The following ARL2BP variants were observed in gnomAD, a reference collection of about 807,000 sequenced individuals.
The protein encoded by ARL2BP is ADP-ribosylation factor-like protein 2-binding protein.
In ARL2BP, 19 loss-of-function variants were observed where a neutral mutation model predicts 24.2. The ratio of observed to expected loss-of-function variants is 0.79; its 90% confidence interval spans 0.55 to 1.15. The LOEUF (loss-of-function observed/expected upper bound fraction) is 1.15. Among genes scored for constraint, ARL2BP ranks in the 50% most tolerant of loss-of-function variants. ARL2BP has a pLI of 0.00. For missense variants in ARL2BP, 160 were observed against 190.4 expected (o/e 0.84, Z 0.94); for synonymous variants, 56 against 70.5 (o/e 0.79, Z 1.03).
intron 1 of ARL2BP, 51 bp downstream of exon 1, chr16:57,245,456 G>C: frequency 1.9e-6 from 3 of 1,588,888 alleles, no homozygotes; most frequent in Non-Finnish European, 2.6e-6. Context: ...GGCAGCGGGC[G>C]TTCGCCCCGG....
At chr16:57,249,031 A>G (rs928562923) in intron 3 of ARL2BP, 1 of 153,252 alleles carries the variant, frequency 6.5e-6, no homozygotes, top group East Asian at 1.9e-4. Flanking sequence ...GATAATAAAT[A>G]AAAGACGTTT....
Position 57,252,170 on chromosome 16 carries a change from A to G in ARL2BP, c.395A>G (p.Lys132Arg). 1 of 1,613,850 alleles carries G rather than the reference A, an allele frequency of 6.2e-7. No individual in the cohort carries two copies. Among genetic ancestry groups the G allele is most frequent in the South Asian group, 1.1e-5 (1 of 91,040 alleles). Residue 132 changes from lysine (K) to arginine (R), a missense_variant, in exon 6 of 6, where the codon AAA (lysine) becomes AGA (arginine). Lys to Arg is a conservative substitution (Grantham distance 26, BLOSUM62 2). Coordinates refer to ENST00000219204, the MANE Select transcript of ARL2BP (RefSeq NM_012106.4). Reference protein sequence around the residue: ...KEMFLDYRAEKEGRGLDLSSG... With the variant: ...KEMFLDYRAEREGRGLDLSSG... ...TTTGGTTGTTTTCTCATATAGGAAA[A>G]AGAAGGCCGAGGACTGGACTTAAGC... is the stretch of plus-strand genomic sequence containing the variant.
chr16:57,245,493 T>G, intron 1 of ARL2BP, 88 bp downstream of exon 1: 1 of 1,522,726 alleles, frequency 6.6e-7, no homozygotes, highest in Non-Finnish European at 8.9e-7. Context: ...ACAGGTGTCC[T>G]TAGGGGCCGG....
intron 1 of ARL2BP, 148 bp from the exon 2 acceptor site, chr16:57,245,928 ATCAG>A (rs1365390503): frequency 2.6e-5 from 19 of 717,544 alleles, no homozygotes; most frequent in African/African-American, 5.3e-5. Context: ...GACTTACTAG[ATCAG>A]TCAGTCATTC....
Position 57,252,418 on chromosome 16 carries a change from C to G in ARL2BP, c.*151C>G, listed in dbSNP as rs1449478590. The G allele has an allele frequency of 2.1e-6, 3 of 1,435,654 alleles. No homozygotes were observed. Among genetic ancestry groups the G allele is most frequent in the African/African-American group, 1.4e-5 (1 of 70,886 alleles). The allele number at this position is 1,435,654 out of a possible 1,614,324, so 88.9% of individuals were successfully genotyped here. On this transcript the variant is annotated 3_prime_UTR_variant, in exon 6 of 6. Transcript: ENST00000219204. ...ATTAATAGGTCAAAACCAAAATGAC[C>G]TAACCCTCCTGGACCTATTTATCCT...
At chr16:57,251,829 G>C (rs2075409232) in intron 5 of ARL2BP, 1 of 215,606 alleles carries the variant, frequency 4.6e-6, no homozygotes, top group East Asian at 1.1e-4. Flanking sequence ...GTCAGCTGTA[G>C]TGGTGCACAC....
rs1489453519 is a variant in ARL2BP, at chr16:57,248,325, AAAAAAAAAAAAG to A, written c.101-208_101-197del. On this transcript the variant is annotated intron_variant, in intron 2 of 5. Coordinates refer to ENST00000219204, the MANE Select transcript of ARL2BP (RefSeq NM_012106.4). Reference sequence around the variant, plus strand: ...AAACTCCAGCTCAAAAAAAAAAAAAAAAAAAAAAAAAGAAAGAAAGAAAAAGAAAACAGGAGG... The same window carrying A: ...AAACTCCAGCTCAAAAAAAAAAAAAAAAAGAAAGAAAAAGAAAACAGGAGG... The A allele has an allele frequency of 1.1e-4, 25 of 222,094 alleles. No homozygotes were observed. In the East Asian group the frequency reaches 2.5e-3, roughly 22 times the overall value. 13.8% of individuals were successfully genotyped at this position (222,094 alleles called of 1,614,324 possible).
Position 57,245,275 on chromosome 16 carries a change from C to T in ARL2BP, c.-93C>T, listed in dbSNP as rs2075386142. 3 of 1,479,132 alleles carry T rather than the reference C, an allele frequency of 2.0e-6. No homozygotes were observed. The highest frequency in any genetic ancestry group is 2.0e-5 in the Admixed American group (1 of 49,188). The allele number at this position is 1,479,132 out of a possible 1,614,324, so 91.6% of individuals were successfully genotyped here. On this transcript the variant is annotated 5_prime_UTR_variant, in exon 1 of 6. Transcript: ENST00000219204. ...CGACCTGGCAGTGAGCTGGCCGCGG[C>T]CTTGGCTGAGAGGCCTTAACCCCGC...
intron 1 of ARL2BP, 59 bp downstream of exon 1, chr16:57,245,464 C>A: frequency 6.3e-7 from 1 of 1,578,802 alleles, no homozygotes; most frequent in Non-Finnish European, 8.6e-7. Context: ...GCGTTCGCCC[C>A]GGGGCCTGAC....
At chr16:57,250,370 T>G (rs2075403513) in intron 4 of ARL2BP, 41 bp from the exon 5 acceptor site, 5 of 1,546,454 alleles carry the variant, frequency 3.2e-6, no homozygotes, top group Non-Finnish European at 3.6e-6. Flanking sequence ...GAGGACTGTC[T>G]CATCATTCAT....
chr16:57,245,280 G>A lies in ARL2BP; in HGVS notation c.-88G>A. 3.3e-6 allele frequency: 5 copies of A among 1,509,472 alleles called. No individual in the cohort carries two copies. The highest frequency in any genetic ancestry group is 1.2e-5 in the South Asian group (1 of 83,420). The allele number at this position is 1,509,472 out of a possible 1,614,324, so 93.5% of individuals were successfully genotyped here. On this transcript the variant is annotated 5_prime_UTR_variant, in exon 1 of 6. Coordinates refer to ENST00000219204, the MANE Select transcript of ARL2BP (RefSeq NM_012106.4). ...TGGCAGTGAGCTGGCCGCGGCCTTG[G>A]CTGAGAGGCCTTAACCCCGCCGGGC... is the stretch of plus-strand genomic sequence containing the variant.
intron 4 of ARL2BP, 97 bp from the exon 5 acceptor site, chr16:57,250,314 C>CG (rs2075403274): frequency 5.7e-6 from 6 of 1,047,904 alleles, no homozygotes; most frequent in Admixed American, 1.9e-5. Flanking sequence ...AAAAATAATG[C>CG]GGGGGGTGGG....
Position 57,250,809 on chromosome 16 carries a change from CT to C in ARL2BP, c.390+304del, listed in dbSNP as rs368844354. On this transcript the variant is annotated intron_variant, in intron 5 of 5. Coordinates refer to ENST00000219204, the MANE Select transcript of ARL2BP (RefSeq NM_012106.4). ...TTTTTTTTTGAGACAGAGTTTTGCT[CT>C]TGTCACCCAGGCTGGAGTGCAGTGG... 3.0e-3 allele frequency: 933 copies of C among 308,036 alleles called. 9 individuals are homozygous for C. Among genetic ancestry groups the C allele is most frequent in the African/African-American group, 0.02 (898 of 45,346 alleles). The allele number at this position is 308,036 out of a possible 1,614,324, so 19.1% of individuals were successfully genotyped here.
chr16:57,250,666 A>T lies in ARL2BP; in HGVS notation c.390+159A>T, dbSNP rs1011395819. 9 of 630,690 alleles carry T rather than the reference A, an allele frequency of 1.4e-5. No individual in the cohort carries two copies. In the African/African-American group the frequency reaches 1.6e-4, roughly 12 times the overall value. The allele number at this position is 630,690 out of a possible 1,614,324, so 39.1% of individuals were successfully genotyped here. On this transcript the variant is annotated intron_variant, in intron 5 of 5. Transcript: ENST00000219204. ...GAGCTGCTATTCTGTTGTGGCTGGG[A>T]CCTTCTCATGTTTTCATGAAACAAG...
At position 57,252,448 on chromosome 16, in the gene ARL2BP, C is replaced by T. The variant is rs1348674432; in HGVS notation, c.*181C>T. 11 of 1,109,058 alleles carry T rather than the reference C, an allele frequency of 9.9e-6. No individual in the cohort carries two copies. In the African/African-American group the frequency reaches 1.7e-4, roughly 17 times the overall value. The allele number at this position is 1,109,058 out of a possible 1,614,324, so 68.7% of individuals were successfully genotyped here. On this transcript the variant is annotated 3_prime_UTR_variant, in exon 6 of 6. Coordinates refer to ENST00000219204, the MANE Select transcript of ARL2BP (RefSeq NM_012106.4). ...CCTCCTGGACCTATTTATCCTGAAACACCTTCTTGTATTCATTAACCATAG... is the reference window on the plus strand; with the variant it reads ...CCTCCTGGACCTATTTATCCTGAAATACCTTCTTGTATTCATTAACCATAG...
chr16:57,252,124 A>G, intron 5 of ARL2BP, 42 bp from the exon 6 acceptor site: 2 of 1,591,236 alleles, frequency 1.3e-6, no homozygotes, highest in Non-Finnish European at 1.7e-6. Context: ...ATTCCAAGCC[A>G]GGGCTCTTTC....
rs112600944 is a variant in ARL2BP, at chr16:57,250,623, A to T, written c.390+116A>T. 9.5e-5 allele frequency: 75 copies of T among 786,666 alleles called. 3 individuals carry two copies. The highest frequency in any genetic ancestry group is 7.7e-4 in the African/African-American group (45 of 58,796). 48.7% of individuals were successfully genotyped at this position (786,666 alleles called of 1,614,324 possible). On this transcript the variant is annotated intron_variant, in intron 5 of 5. Transcript: ENST00000219204. ...CATCATTCTCCCTTCAAACTGGCCGATGAGGCATCAGAAGAGTGAGCTGCT... is the reference window on the plus strand; with the variant it reads ...CATCATTCTCCCTTCAAACTGGCCGTTGAGGCATCAGAAGAGTGAGCTGCT...
intron 2 of ARL2BP, 46 bp downstream of exon 2, chr16:57,246,187 A>G: frequency 6.4e-7 from 1 of 1,551,544 alleles, no homozygotes; most frequent in East Asian, 2.2e-5. Flanking sequence ...TGTTTCTTTA[A>G]GGACATTGAA....
At chr16:57,250,359 T>G in intron 4 of ARL2BP, 52 bp from the exon 5 acceptor site, 1 of 1,520,280 alleles carries the variant, frequency 6.6e-7, no homozygotes, top group Non-Finnish European at 9.1e-7. Flanking sequence ...AAAGCAATCT[T>G]GAGGACTGTC....
Sources: allele counts gnomAD v4.1 joint callset, GRCh38; gene constraint gnomAD v4.1.1; transcripts MANE v1.5; gene names NCBI Gene and HGNC (gene_info 2026-07-23, HGNC 2026-07-21).